The following CYP39A1 variants were observed in gnomAD, a reference collection of about 807,000 sequenced individuals.
CYP39A1 encodes the protein 24-hydroxycholesterol 7-alpha-hydroxylase.
CYP39A1 carries 49 observed loss-of-function variants against 58.1 expected under a neutral mutation model. The ratio of observed to expected loss-of-function variants is 0.84; its 90% CI spans 0.67 to 1.07. The LOEUF (loss-of-function observed/expected upper bound fraction) is 1.07, where lower values mean the gene tolerates loss of function less well. Ranked by LOEUF, CYP39A1 falls within the 50% of genes least tolerant of loss-of-function variation. The probability of loss-of-function intolerance (pLI) is 0.00; values close to 1 mark genes in which losing one functional copy is unlikely to be tolerated. For missense variants in CYP39A1, 531 were observed against 539.4 expected (o/e 0.98, Z 0.16); for synonymous variants, 209 against 187.6 (o/e 1.11, Z -0.93).
At chr6:46,552,766 C>T (rs904436240) in intron 11 of CYP39A1, among the ~76,000 whole-genome samples, 2 of 152,144 alleles carry the variant, frequency 1.3e-5, no homozygotes, top group Admixed American at 6.5e-5. Context: ...GCAGCAGCAG[C>T]GGCATCACCT....
At chr6:46,583,621 C>G in intron 10 of CYP39A1, 1 of 980,848 alleles carries the variant, frequency 1.0e-6, no homozygotes, top group South Asian at 4.7e-5. Flanking sequence ...CCAGACTTCT[C>G]CAGTAGTAGA....
intron 1 of CYP39A1, among the ~76,000 whole-genome samples, chr6:46,646,756 A>C (rs1762350450): frequency 6.6e-6 from 1 of 152,084 alleles, no homozygotes; most frequent in Non-Finnish European, 1.5e-5. Flanking sequence ...GGCTATTAAA[A>C]TTATGTATTG....
intron 7 of CYP39A1, among the ~76,000 whole-genome samples, chr6:46,616,255 CCTTT>C (rs1361843721): frequency 4.5e-5 from 4 of 88,776 alleles, no homozygotes; most frequent in African/African-American, 9.4e-5. Flanking sequence ...TTCCTTCCTT[CCTTT>C]CTTCCTTCCT....
At chr6:46,606,043 C>G (rs1158203047) in intron 7 of CYP39A1, among the ~76,000 whole-genome samples, 1 of 152,050 alleles carries the variant, frequency 6.6e-6, no homozygotes, top group African/African-American at 2.4e-5. Flanking sequence ...CCACAGTGAC[C>G]TACATATTGC....
chr6:46,592,222 G>A (rs940962065), intron 8 of CYP39A1, among the ~76,000 whole-genome samples: 3 of 152,070 alleles, frequency 2.0e-5, no homozygotes, highest in Admixed American at 6.6e-5. Context: ...GAGCCTGTTC[G>A]AACTACCTTA....
At chr6:46,642,041 C>T in intron 2 of CYP39A1, 122 bp downstream of exon 2, 1 of 1,112,558 alleles carries the variant, frequency 9.0e-7, no homozygotes, top group South Asian at 1.4e-5. Flanking sequence ...ACCCATACCT[C>T]AAGAATAAAA....
chr6:46,573,700 G>C (rs1412868536), intron 10 of CYP39A1, among the ~76,000 whole-genome samples: 5 of 152,104 alleles, frequency 3.3e-5, no homozygotes, highest in Non-Finnish European at 5.9e-5. Flanking sequence ...CAGAGTCCTG[G>C]GCTCAGGAGT....
At chr6:46,559,892 GT>G (rs1770881779) in intron 10 of CYP39A1, among the ~76,000 whole-genome samples, 1 of 152,098 alleles carries the variant, frequency 6.6e-6, no homozygotes, top group Admixed American at 6.5e-5. Context: ...GATGTTTATT[GT>G]GTCCTTATGT....
At chr6:46,583,303 C>T (rs1223034528) in intron 10 of CYP39A1, 9 of 985,252 alleles carry the variant, frequency 9.1e-6, no homozygotes, top group Non-Finnish European at 1.1e-5. Context: ...GCAAATCAGG[C>T]ATCCTCTTGC....
At chr6:46,614,510 C>T (rs944903576) in intron 7 of CYP39A1, among the ~76,000 whole-genome samples, 1 of 152,146 alleles carries the variant, frequency 6.6e-6, no homozygotes, top group African/African-American at 2.4e-5. Flanking sequence ...GTACATTGAT[C>T]ACAGCATAAA....
At chr6:46,598,645 T>C (rs1006945966) in intron 7 of CYP39A1, among the ~76,000 whole-genome samples, 1 of 152,214 alleles carries the variant, frequency 6.6e-6, no homozygotes, top group Non-Finnish European at 1.5e-5. Flanking sequence ...ATGTAACAGA[T>C]ATCATTGCTA....
chr6:46,567,888 A>C (rs988689463), intron 10 of CYP39A1, among the ~76,000 whole-genome samples: 4 of 152,152 alleles, frequency 2.6e-5, no homozygotes, highest in African/African-American at 7.2e-5. Context: ...TACAAGAGCT[A>C]GTGAGCTCTG....
At chr6:46,566,450 A>C (rs981404020) in intron 10 of CYP39A1, among the ~76,000 whole-genome samples, 3 of 152,282 alleles carry the variant, frequency 2.0e-5, no homozygotes, top group Middle Eastern at 3.4e-3. Context: ...AGGAAGGAGA[A>C]GTGTGAGCAA....
At chr6:46,636,685 G>A (rs556587734) in intron 4 of CYP39A1, among the ~76,000 whole-genome samples, 2 of 152,316 alleles carry the variant, frequency 1.3e-5, no homozygotes, top group Non-Finnish European at 2.9e-5. Flanking sequence ...CTACATTTTA[G>A]TGTCTTTTGT....
chr6:46,643,727 C>A (rs554351889), intron 1 of CYP39A1, among the ~76,000 whole-genome samples: 2 of 152,218 alleles, frequency 1.3e-5, no homozygotes, highest in South Asian at 4.1e-4. Context: ...AATATAACTG[C>A]GGAGTAAAAG....
At chr6:46,559,142 C>T (rs911624445) in intron 10 of CYP39A1, among the ~76,000 whole-genome samples, 2 of 152,118 alleles carry the variant, frequency 1.3e-5, no homozygotes, top group Non-Finnish European at 2.9e-5. Context: ...CATAGTGTGC[C>T]TGTGCCCGCA....
chr6:46,564,838 T>C (rs1327122597), intron 10 of CYP39A1, among the ~76,000 whole-genome samples: 2 of 152,228 alleles, frequency 1.3e-5, no homozygotes, highest in Non-Finnish European at 2.9e-5. Context: ...CTTATGAAAA[T>C]AGAATGATCT....
At chr6:46,588,001 A>G in intron 9 of CYP39A1, 33 bp downstream of exon 9, 2 of 1,244,094 alleles carry the variant, frequency 1.6e-6, no homozygotes, top group Middle Eastern at 2.1e-4. Flanking sequence ...AATTAAAATG[A>G]AAGAATAATA....
At chr6:46,612,786 G>A (rs765566646) in intron 7 of CYP39A1, among the ~76,000 whole-genome samples, 2 of 152,154 alleles carry the variant, frequency 1.3e-5, no homozygotes, top group Admixed American at 6.5e-5. Flanking sequence ...ATTATTTTGG[G>A]CAATGCATCG....
Sources: gnomAD v4.1 joint callset for allele counts (sites outside exome capture counted in the v4.1 genomes callset) on GRCh38, gnomAD v4.1.1 for gene constraint, MANE v1.5 for transcripts, NCBI Gene and HGNC (gene_info 2026-07-23, HGNC 2026-07-21) for gene names.